TAB2: variants seen among roughly 807,000 people sequenced by gnomAD.
TAB2 encodes the protein TGF-beta-activated kinase 1 and MAP3K7-binding protein 2.
In TAB2, 3 loss-of-function variants were observed where a neutral mutation model predicts 65.0. That is an observed-to-expected ratio of 0.05 (90% CI 0.02 to 0.12). The LOEUF (loss-of-function observed/expected upper bound fraction) is 0.12, where lower values mean the gene tolerates loss of function less well. Among genes scored for constraint, TAB2 ranks in the 10% least tolerant of loss-of-function variants. The pLI, the probability that TAB2 is intolerant of heterozygous loss-of-function variation, is 1.00. For missense variants in TAB2, 623 were observed against 840.3 expected (o/e 0.74, Z 3.20); for synonymous variants, 298 against 285.1 (o/e 1.05, Z -0.46).
At chr6:149,288,023 AT>A (rs991859992) in intron 1 of TAB2, among the ~76,000 whole-genome samples, 1 of 152,248 alleles carries the variant, frequency 6.6e-6, no homozygotes, top group African/African-American at 2.4e-5. Context: ...GATTTGTTAA[AT>A]TTTTAAACAC....
chr6:149,271,368 G>A (rs1778362174), intron 1 of TAB2, among the ~76,000 whole-genome samples: 2 of 152,098 alleles, frequency 1.3e-5, no homozygotes, highest in South Asian at 4.1e-4. Flanking sequence ...TCTTACCTAA[G>A]GGTAAGAAAA....
intron 1 of TAB2, among the ~76,000 whole-genome samples, chr6:149,252,062 A>G (rs1777873439): frequency 6.6e-6 from 1 of 152,188 alleles, no homozygotes; most frequent in Non-Finnish European, 1.5e-5. Flanking sequence ...AGAGACTTCC[A>G]GGATAAGCAG....
chr6:149,293,882 A>T (rs1287586982), intron 1 of TAB2, among the ~76,000 whole-genome samples: 1 of 152,230 alleles, frequency 6.6e-6, no homozygotes, highest in East Asian at 1.9e-4. Flanking sequence ...TTGATCCAAT[A>T]TATAATGTTA....
At chr6:149,229,031 A>C (rs1218280677) in intron 1 of TAB2, among the ~76,000 whole-genome samples, 1 of 152,244 alleles carries the variant, frequency 6.6e-6, no homozygotes, top group Non-Finnish European at 1.5e-5. Flanking sequence ...CATTGGAAAG[A>C]TGGCAGCAAA....
intron 1 of TAB2, among the ~76,000 whole-genome samples, chr6:149,341,905 C>T (rs1780141975): frequency 6.6e-6 from 1 of 151,930 alleles, no homozygotes; most frequent in African/African-American, 2.4e-5. Flanking sequence ...TACCAGCCTA[C>T]CAAGCATAAG....
chr6:149,259,818 C>T (rs1035589424), intron 1 of TAB2, among the ~76,000 whole-genome samples: 6 of 152,216 alleles, frequency 3.9e-5, no homozygotes, highest in Non-Finnish European at 7.3e-5. Context: ...CCACCCCTTC[C>T]ACTCATCAGT....
At chr6:149,283,599 A>G (rs1373512207) in intron 1 of TAB2, among the ~76,000 whole-genome samples, 1 of 152,030 alleles carries the variant, frequency 6.6e-6, no homozygotes, top group African/African-American at 2.4e-5. Context: ...AATCTCAGCT[A>G]TTCGGGAGGC....
At chr6:149,359,085 T>C (rs1780763339) in intron 1 of TAB2, among the ~76,000 whole-genome samples, 1 of 152,312 alleles carries the variant, frequency 6.6e-6, no homozygotes, top group African/African-American at 2.4e-5. Context: ...TCAGGTTCTG[T>C]TCTCTTACAT....
chr6:149,357,430 A>AAAAAACACACAC, intron 1 of TAB2, among the ~76,000 whole-genome samples: 6 of 111,172 alleles, frequency 5.4e-5, no homozygotes, highest in Admixed American at 3.0e-4. Flanking sequence ...AGAAAAAAAA[A>AAAAAACACACAC]ACACACACAC....
At chr6:149,275,300 G>GAAAGAAAGAA (rs1223068467) in intron 1 of TAB2, among the ~76,000 whole-genome samples, 2 of 128,302 alleles carry the variant, frequency 1.6e-5, no homozygotes, top group African/African-American at 3.1e-5. Flanking sequence ...AAGAAAGAAA[G>GAAAGAAAGAA]AGAAAAAAGA....
At chr6:149,259,902 G>A (rs996038915) in intron 1 of TAB2, among the ~76,000 whole-genome samples, 4 of 152,176 alleles carry the variant, frequency 2.6e-5, no homozygotes, top group Admixed American at 2.6e-4. Context: ...TTCTGTGAAA[G>A]AAGAAGTAAG....
At chr6:149,374,182 A>G (rs1210590254) in intron 2 of TAB2, among the ~76,000 whole-genome samples, 2 of 152,192 alleles carry the variant, frequency 1.3e-5, no homozygotes, top group Non-Finnish European at 2.9e-5. Context: ...GAGAGCAAGC[A>G]TTCAAGGAAG....
chr6:149,409,045 T>G (rs1312656863), intron 6 of TAB2, among the ~76,000 whole-genome samples: 1 of 152,192 alleles, frequency 6.6e-6, no homozygotes, highest in African/African-American at 2.4e-5. Flanking sequence ...TAGATTTACT[T>G]CTCCAGAGTC....
chr6:149,326,652 A>G (rs1225959091), intron 1 of TAB2, among the ~76,000 whole-genome samples: 1 of 151,904 alleles, frequency 6.6e-6, no homozygotes, highest in Non-Finnish European at 1.5e-5. Flanking sequence ...GGTTCAAGCA[A>G]TTCTCCTGCC....
At chr6:149,330,163 C>G (rs1395103512) in intron 1 of TAB2, among the ~76,000 whole-genome samples, 1 of 151,738 alleles carries the variant, frequency 6.6e-6, no homozygotes, top group African/African-American at 2.4e-5. Flanking sequence ...AATATTTATT[C>G]CTTTTTAATG....
chr6:149,352,066 A>G (rs1350326917), intron 1 of TAB2, among the ~76,000 whole-genome samples: 1 of 152,130 alleles, frequency 6.6e-6, no homozygotes, highest in East Asian at 1.9e-4. Flanking sequence ...TTAATAGTAA[A>G]GGCCAATACT....
intron 1 of TAB2, among the ~76,000 whole-genome samples, chr6:149,363,154 A>G (rs1161598837): frequency 2.0e-5 from 3 of 152,218 alleles, no homozygotes; most frequent in Non-Finnish European, 4.4e-5. Flanking sequence ...TTGAATATTG[A>G]TTACACAAAA....
At chr6:149,346,448 CT>C (rs11399281) in intron 1 of TAB2, 13,933 of 113,178 alleles carry the variant, frequency 0.12, 746 homozygotes, top group South Asian at 0.2. Flanking sequence ...GTTGGTGAAA[CT>C]TTTTTTTTTT....
intron 1 of TAB2, among the ~76,000 whole-genome samples, chr6:149,278,076 C>T (rs1365359829): frequency 6.6e-6 from 1 of 152,166 alleles, no homozygotes; most frequent in Non-Finnish European, 1.5e-5. Context: ...AATTTTGAGT[C>T]CTAACTCTGA....
Sources: allele counts gnomAD v4.1 joint callset (sites outside exome capture counted in the v4.1 genomes callset), GRCh38; gene constraint gnomAD v4.1.1; transcripts MANE v1.5; gene names NCBI Gene and HGNC (gene_info 2026-07-23, HGNC 2026-07-21).